The following SSBP2 variants were observed in gnomAD, a reference collection of about 807,000 sequenced individuals.
SSBP2 encodes single-stranded DNA-binding protein 2.
SSBP2 carries 17 observed loss-of-function variants against 61.8 expected under a neutral mutation model. The ratio of observed to expected loss-of-function variants is 0.28; its 90% confidence interval spans 0.19 to 0.41. The LOEUF (loss-of-function observed/expected upper bound fraction) is 0.41, where lower values mean the gene tolerates loss of function less well. Ranked by LOEUF, SSBP2 falls within the 10% of genes least tolerant of loss-of-function variation. The pLI is 1.00. For missense variants in SSBP2, 310 were observed against 458.7 expected (o/e 0.68, Z 2.96); for synonymous variants, 139 against 141.3 (o/e 0.98, Z 0.12).
intron 15 of SSBP2, among the ~76,000 whole-genome samples, chr5:81,430,990 G>A (rs1037094445): frequency 5.9e-5 from 9 of 152,052 alleles, no homozygotes; most frequent in Non-Finnish European, 1.2e-4. Flanking sequence ...GTCCGTAATC[G>A]CTGAGTGACA....
chr5:81,434,719 G>A (rs1222663337), intron 15 of SSBP2, among the ~76,000 whole-genome samples: 5 of 146,964 alleles, frequency 3.4e-5, no homozygotes, highest in African/African-American at 7.6e-5. Flanking sequence ...AAAATTACTC[G>A]AAAAAAACAG....
chr5:81,614,689 C>T (rs1745825796), intron 4 of SSBP2, among the ~76,000 whole-genome samples: 1 of 152,188 alleles, frequency 6.6e-6, no homozygotes, highest in Admixed American at 6.5e-5. Flanking sequence ...TCCTCCCAAC[C>T]AAGGAAACTT....
chr5:81,422,949 A>G (rs1488460246), intron 16 of SSBP2, among the ~76,000 whole-genome samples: 1 of 152,264 alleles, frequency 6.6e-6, no homozygotes, highest in Non-Finnish European at 1.5e-5. Context: ...CACGTCTCAC[A>G]TTATAAACAA....
At chr5:81,738,145 T>G (rs1266221048) in intron 1 of SSBP2, among the ~76,000 whole-genome samples, 2 of 152,208 alleles carry the variant, frequency 1.3e-5, no homozygotes, top group African/African-American at 2.4e-5. Context: ...TGATCTATGC[T>G]GTTAAAAATC....
In SSBP2 at chr5:81,670,617, T is replaced by C. The variant is rs1581304678; in HGVS notation, c.63-20278A>G. Among the ~76,000 whole-genome samples, 4 of 152,306 alleles carry C rather than the reference T, an allele frequency of 2.6e-5. No individual in the cohort carries two copies. In the South Asian group the frequency reaches 8.3e-4, roughly 32 times the overall value. On this transcript the variant is annotated intron_variant, in intron 1 of 16. Transcript: ENST00000320672. Reference sequence around the variant, plus strand: ...GAAAATACTTTAAAGCTTTCTAAAGTTTTTTTCCTCTGACAAGGAAAAGCA... The same window carrying C: ...GAAAATACTTTAAAGCTTTCTAAAGCTTTTTTCCTCTGACAAGGAAAAGCA...
intron 1 of SSBP2, among the ~76,000 whole-genome samples, chr5:81,653,130 A>G (rs1000284061): frequency 6.6e-6 from 1 of 151,650 alleles, no homozygotes. Flanking sequence ...CCAGTGTGTG[A>G]TGTTCCCCTC....
chr5:81,664,316 G>T (rs375010857), intron 1 of SSBP2, among the ~76,000 whole-genome samples: 3 of 151,518 alleles, frequency 2.0e-5, no homozygotes, highest in Non-Finnish European at 4.4e-5. Flanking sequence ...TTTTAGTAGA[G>T]ATGGGGTTTC....
At chr5:81,530,155 A>C (rs780724329) in intron 4 of SSBP2, among the ~76,000 whole-genome samples, 22 of 152,108 alleles carry the variant, frequency 1.4e-4, no homozygotes, top group Non-Finnish European at 3.2e-4. Context: ...CTGGTCAGTT[A>C]CTGAAACTCT....
chr5:81,628,418 C>T (rs535079384), intron 3 of SSBP2, among the ~76,000 whole-genome samples: 1 of 152,068 alleles, frequency 6.6e-6, no homozygotes, highest in African/African-American at 2.4e-5. Flanking sequence ...GGGACACAGC[C>T]AAACTATATC....
At chr5:81,568,227 C>T (rs1183783765) in intron 4 of SSBP2, among the ~76,000 whole-genome samples, 1 of 152,084 alleles carries the variant, frequency 6.6e-6, no homozygotes, top group African/African-American at 2.4e-5. Flanking sequence ...GTGGAAGGGA[C>T]CTGGTGGGAG....
intron 4 of SSBP2, among the ~76,000 whole-genome samples, chr5:81,599,576 T>C (rs1374836571): frequency 6.6e-6 from 1 of 152,164 alleles, no homozygotes; most frequent in Non-Finnish European, 1.5e-5. Flanking sequence ...AGTCTGAGGG[T>C]CTCAGGCTCA....
At chr5:81,669,217 T>C (rs951458974) in intron 1 of SSBP2, among the ~76,000 whole-genome samples, 2 of 152,312 alleles carry the variant, frequency 1.3e-5, no homozygotes, top group African/African-American at 4.8e-5. Flanking sequence ...AACAGAGATT[T>C]TCCTTCATTG....
At chr5:81,745,154 G>A (rs1757274879) in intron 1 of SSBP2, among the ~76,000 whole-genome samples, 1 of 152,002 alleles carries the variant, frequency 6.6e-6, no homozygotes, top group South Asian at 2.1e-4. Flanking sequence ...ATTTCCACTT[G>A]TTTTTTAATG....
intron 4 of SSBP2, among the ~76,000 whole-genome samples, chr5:81,603,355 A>G (rs1433557142): frequency 6.6e-6 from 1 of 152,218 alleles, no homozygotes; most frequent in Non-Finnish European, 1.5e-5. Flanking sequence ...GTTTTAAGAC[A>G]GAGCATCCCA....
chr5:81,737,327 C>A (rs999403689), intron 1 of SSBP2, among the ~76,000 whole-genome samples: 2 of 150,942 alleles, frequency 1.3e-5, no homozygotes, highest in African/African-American at 4.9e-5. Context: ...ATGTCCCCTT[C>A]CAGTTAAGTC....
intron 4 of SSBP2, among the ~76,000 whole-genome samples, chr5:81,527,377 G>T (rs1414374068): frequency 6.6e-6 from 1 of 151,934 alleles, no homozygotes; most frequent in Non-Finnish European, 1.5e-5. Flanking sequence ...AGTAAAAACT[G>T]CCAGGATTTG....
intron 4 of SSBP2, among the ~76,000 whole-genome samples, chr5:81,573,413 T>C (rs185682488): frequency 7.3e-4 from 111 of 152,362 alleles, no homozygotes; most frequent in Non-Finnish European, 1.3e-3. Context: ...CAGAGGTTTT[T>C]AATAAGCTTA....
intron 3 of SSBP2, among the ~76,000 whole-genome samples, chr5:81,633,795 A>G (rs1021331212): frequency 6.6e-6 from 1 of 152,118 alleles, no homozygotes; most frequent in African/African-American, 2.4e-5. Flanking sequence ...ACCAAATCCT[A>G]CCATTTCTAC....
At chr5:81,710,512 T>C (rs1754700973) in intron 1 of SSBP2, among the ~76,000 whole-genome samples, 1 of 152,034 alleles carries the variant, frequency 6.6e-6, no homozygotes, top group African/African-American at 2.4e-5. Flanking sequence ...GGAATTACTG[T>C]GTCCAATATA....
Sources: allele counts gnomAD v4.1 joint callset (sites outside exome capture counted in the v4.1 genomes callset), GRCh38; gene constraint gnomAD v4.1.1; transcripts MANE v1.5; gene names NCBI Gene and HGNC (gene_info 2026-07-23, HGNC 2026-07-21).